MYO18B: variants seen among roughly 807,000 people sequenced by gnomAD.
MYO18B encodes the protein myosin XVIIIB.
In MYO18B, 204 loss-of-function variants were observed where a neutral mutation model predicts 273.0. The observed-to-expected ratio is 0.75, with a 90% confidence interval of 0.67 to 0.84. MYO18B has a LOEUF of 0.84. Among genes scored for constraint, MYO18B ranks in the 40% least tolerant of loss-of-function variants. The pLI, the probability that MYO18B is intolerant of heterozygous loss-of-function variation, is 0.00. For synonymous variants in MYO18B, 1,330 were observed against 1,305.7 expected (o/e 1.02, Z -0.40); for missense variants, 3,212 against 3,287.6 (o/e 0.98, Z 0.56).
At chr22:25,751,314 C>G (rs576484279) in intron 1 of MYO18B, among the ~76,000 whole-genome samples, 1 of 152,292 alleles carries the variant, frequency 6.6e-6, no homozygotes, top group African/African-American at 2.4e-5. Flanking sequence ...ATTTGTTAAC[C>G]TTTCTGATCC....
intron 36 of MYO18B, among the ~76,000 whole-genome samples, chr22:25,948,446 C>CTTT (rs2092745941): frequency 2.4e-5 from 3 of 125,222 alleles, no homozygotes; most frequent in African/African-American, 3.5e-5. Flanking sequence ...TTCCTTCCTT[C>CTTT]CTTCCTTCCT....
chr22:25,889,732 G>A (rs58271461), intron 25 of MYO18B, among the ~76,000 whole-genome samples: 7,916 of 151,888 alleles, frequency 0.052, 733 homozygotes, highest in African/African-American at 0.18. Context: ...ATTTTGGAAC[G>A]ATAATGCCAC....
chr22:25,871,604 C>A (rs935741423), intron 22 of MYO18B, among the ~76,000 whole-genome samples: 1 of 152,086 alleles, frequency 6.6e-6, no homozygotes, highest in African/African-American at 2.4e-5. Context: ...GGGGATGTTA[C>A]ACTCTGTTTG....
the MYO18B span, among the ~76,000 whole-genome samples, chr22:26,047,701 ATAAT>A: frequency 6.6e-6 from 1 of 152,188 alleles, no homozygotes; most frequent in African/African-American, 2.4e-5. Flanking sequence ...AATCATATTA[ATAAT>A]TGTATATATA....
intron 12 of MYO18B, among the ~76,000 whole-genome samples, chr22:25,802,670 G>A (rs146580425): frequency 2.9e-4 from 43 of 149,552 alleles, no homozygotes; most frequent in African/African-American, 1.0e-3. Flanking sequence ...GGAGAATGGC[G>A]TGAACCCGGG....
chr22:25,934,797 A>G (rs1454481896), intron 34 of MYO18B, among the ~76,000 whole-genome samples: 2 of 152,146 alleles, frequency 1.3e-5, no homozygotes, highest in Non-Finnish European at 2.9e-5. Flanking sequence ...CAGAGGGATG[A>G]CTTTGAATAG....
the MYO18B span, among the ~76,000 whole-genome samples, chr22:26,055,721 G>A: frequency 1.3e-5 from 2 of 152,174 alleles, no homozygotes; most frequent in South Asian, 2.1e-4. Flanking sequence ...TGGAAACCTT[G>A]TGCCCTATAC....
the MYO18B span, among the ~76,000 whole-genome samples, chr22:26,045,871 G>A: frequency 3.9e-5 from 6 of 152,202 alleles, no homozygotes; most frequent in Admixed American, 6.5e-5. Context: ...ACAGTTACCC[G>A]TGTATACCAC....
intron 10 of MYO18B, among the ~76,000 whole-genome samples, chr22:25,783,590 A>G (rs565057444): frequency 1.3e-5 from 2 of 152,346 alleles, no homozygotes; most frequent in East Asian, 1.9e-4. Flanking sequence ...CTCTGGGGAT[A>G]GAAGCATTGC....
At position 25,826,436 on chromosome 22, in the gene MYO18B, T is replaced by C. The variant is rs763995706; in HGVS notation, c.2723T>C (p.Val908Ala). The change falls in exon 14 of 44, where the codon GTG becomes GCG. Residue 908 changes from valine to alanine, a missense_variant. Val to Ala is a moderately conservative substitution (Grantham distance 64). Coordinates refer to ENST00000335473, the MANE Select transcript of MYO18B (RefSeq NM_032608.7). ...SGLKMTGVDC[V>A]EGMASGLYQE... Reference sequence around the variant, plus strand: ...CTCAAGATGACAGGAGTGGACTGTGTGGAGGGGATGGCCTCGGGCCTGTAC... The same window carrying C: ...CTCAAGATGACAGGAGTGGACTGTGCGGAGGGGATGGCCTCGGGCCTGTAC... The C allele has an allele frequency of 6.2e-7, 1 of 1,613,836 alleles. No homozygotes were observed.
intron 7 of MYO18B, among the ~76,000 whole-genome samples, chr22:25,772,823 T>G (rs991214428): frequency 2.0e-5 from 3 of 152,228 alleles, no homozygotes; most frequent in Non-Finnish European, 4.4e-5. Context: ...ATTAACTCAG[T>G]TGAGTCTCAC....
chr22:26,058,179 A>G, the MYO18B span, among the ~76,000 whole-genome samples: 1 of 152,210 alleles, frequency 6.6e-6, no homozygotes, highest in African/African-American at 2.4e-5. Flanking sequence ...ATTTATTTCA[A>G]AGTACTAGGG....
intron 33 of MYO18B, among the ~76,000 whole-genome samples, chr22:25,914,248 C>T (rs1283422537): frequency 2.0e-5 from 3 of 152,054 alleles, no homozygotes; most frequent in African/African-American, 7.2e-5. Context: ...TTTATTGACC[C>T]TTTAATCTTC....
At chr22:25,788,634 T>C (rs577257117) in intron 11 of MYO18B, among the ~76,000 whole-genome samples, 3 of 152,308 alleles carry the variant, frequency 2.0e-5, no homozygotes, top group African/African-American at 7.2e-5. Context: ...TATCTGAAAT[T>C]CAGATTTGAC....
intron 22 of MYO18B, among the ~76,000 whole-genome samples, chr22:25,871,751 C>T (rs760196786): frequency 6.6e-6 from 1 of 152,048 alleles, no homozygotes; most frequent in Non-Finnish European, 1.5e-5. Context: ...CACGTGCAGT[C>T]GGCCTTCTGG....
At chr22:25,799,160 T>C (rs986721326) in intron 12 of MYO18B, among the ~76,000 whole-genome samples, 5 of 151,626 alleles carry the variant, frequency 3.3e-5, no homozygotes, top group African/African-American at 1.2e-4. Flanking sequence ...TGTGTGTGTG[T>C]GCTTGGATAG....
intron 21 of MYO18B, among the ~76,000 whole-genome samples, chr22:25,857,883 C>G (rs1037001752): frequency 6.6e-6 from 1 of 152,230 alleles, no homozygotes; most frequent in African/African-American, 2.4e-5. Flanking sequence ...GAACTCCTGA[C>G]CTCAGATGAT....
chr22:25,760,005 C>T (rs1259428494), intron 1 of MYO18B, among the ~76,000 whole-genome samples: 1 of 152,164 alleles, frequency 6.6e-6, no homozygotes, highest in African/African-American at 2.4e-5. Context: ...AATGATTTCT[C>T]CAAGCGTGGG....
chr22:25,824,775 C>T (rs578168123), intron 13 of MYO18B, among the ~76,000 whole-genome samples: 2 of 151,882 alleles, frequency 1.3e-5, no homozygotes, highest in African/African-American at 4.8e-5. Flanking sequence ...CTCTCCTCTT[C>T]GACATGCACA....
Sources: gnomAD v4.1 joint callset for allele counts (sites outside exome capture counted in the v4.1 genomes callset) on GRCh38, gnomAD v4.1.1 for gene constraint, MANE v1.5 for transcripts, NCBI Gene and HGNC (gene_info 2026-07-23, HGNC 2026-07-21) for gene names.